Variants in CLDN17 observed in about 807,000 individuals in gnomAD.
CLDN17 encodes claudin 17.
A neutral mutation model predicts 0.1 loss-of-function variants in CLDN17; 1 was observed. The ratio of observed to expected loss-of-function variants is 8.90; its 90% CI spans 3.16 to 42.21. CLDN17 has a LOEUF of 42.21. Ranked by LOEUF, CLDN17 falls within the 30% of genes most tolerant of loss-of-function variation. CLDN17 has a pLI of 0.11. For synonymous variants in CLDN17, 134 were observed against 106.7 expected (o/e 1.26, Z -1.58); for missense variants, 294 against 274.9 (o/e 1.07, Z -0.49).
rs893816261 is a variant in CLDN17 at position 30,165,648 on chromosome 21, A to T, written c.*295T>A. ...ATCAGATAATACATGATGGTCAAAA[A>T]GTAATAAGTAGTCCATCATTGTACA... On this transcript the variant is annotated 3_prime_UTR_variant, in exon 1 of 1. Coordinates refer to ENST00000286808, the MANE Select transcript of CLDN17 (RefSeq NM_012131.3). 9.8e-6 allele frequency: 4 copies of T among 409,498 alleles called. No individual in the cohort carries two copies. The highest frequency in any genetic ancestry group is 6.1e-5 in the African/African-American group (3 of 49,184). The allele number at this position is 409,498 out of a possible 1,614,324, so 25.4% of individuals were successfully genotyped here. A position where few individuals can be genotyped will look rare whatever the true frequency, so the allele number is the denominator to read the frequency against.
Position 30,166,130 on chromosome 21 carries a change from G to T in CLDN17, c.488C>A (p.Ala163Glu), listed in dbSNP as rs2146492931. 6.2e-7 allele frequency: 1 copy of T among 1,614,164 alleles called. No homozygotes were observed. The highest frequency in any genetic ancestry group is 8.5e-7 in the Non-Finnish European group (1 of 1,180,034). ...GCTTGCCCAGCCAAGGAAAAGTGCT[G>T]CTCCCAGCTCTCGTTTCTGACCTAT... ...IHIGQKRELG[A>E]ALFLGWASAA... is the part of the protein sequence containing the mutation. Residue 163 changes from alanine to glutamate, a missense_variant, in exon 1 of 1, where the codon GCA becomes GAA. Coordinates refer to ENST00000286808, the MANE Select transcript of CLDN17 (RefSeq NM_012131.3).
chr21:30,165,856 G>A lies in CLDN17; in HGVS notation c.*87C>T, dbSNP rs1980832256. On this transcript the variant is annotated 3_prime_UTR_variant, in exon 1 of 1. Coordinates refer to ENST00000286808, the MANE Select transcript of CLDN17 (RefSeq NM_012131.3). ...CAATGTAAATCTAGACATAAAGCAA[G>A]TTCTCCTGCCTCACATACTTACAGT... The A allele has an allele frequency of 5.6e-6, 7 of 1,260,988 alleles. No individual in the cohort carries two copies. The highest frequency in any genetic ancestry group is 2.2e-6 in the Non-Finnish European group (2 of 900,804). The allele number at this position is 1,260,988 out of a possible 1,614,324, so 78.1% of individuals were successfully genotyped here.
rs146762160 is a variant in CLDN17, at chr21:30,165,637, G to A, written c.*306C>T. On this transcript the variant is annotated 3_prime_UTR_variant, in exon 1 of 1. Coordinates refer to ENST00000286808, the MANE Select transcript of CLDN17 (RefSeq NM_012131.3). Reference sequence around the variant, plus strand: ...TTTAGATTCTTATCAGATAATACATGATGGTCAAAAAGTAATAAGTAGTCC... The same window carrying A: ...TTTAGATTCTTATCAGATAATACATAATGGTCAAAAAGTAATAAGTAGTCC... 7.8e-6 allele frequency: 3 copies of A among 386,762 alleles called. No individual in the cohort carries two copies. The South Asian group carries it at 1.2e-4, about 15-fold the overall frequency. 24.0% of individuals were successfully genotyped at this position (386,762 alleles called of 1,614,324 possible).
In CLDN17 at chr21:30,165,964, C is replaced by T; in HGVS notation, c.654G>A (p.Lys218=). 6.2e-7 allele frequency: 1 copy of T among 1,613,978 alleles called. No individual in the cohort carries two copies. Among genetic ancestry groups the T allele is most frequent in the Non-Finnish European group, 8.5e-7 (1 of 1,179,890 alleles). Residue 218 remains lysine (K), a synonymous_variant, in exon 1 of 1, where the codon AAG becomes AAA. Coordinates refer to ENST00000286808, the MANE Select transcript of CLDN17 (RefSeq NM_012131.3). ...GGCATTAGACATAACTGGTGGAGGT[C>T]TTACTAAGCATTGTCGTATTTCTTC... ...DKRRNTTMLS[K]TSTSYV
Position 30,166,784 on chromosome 21 carries a change from G to T in CLDN17, c.-167C>A, listed in dbSNP as rs1318249727. 13 of 616,408 alleles carry T rather than the reference G, an allele frequency of 2.1e-5. No homozygotes were observed. Among genetic ancestry groups the T allele is most frequent in the Admixed American group, 6.3e-5 (2 of 31,560 alleles). The allele number at this position is 616,408 out of a possible 1,614,324, so 38.2% of individuals were successfully genotyped here. On this transcript the variant is annotated 5_prime_UTR_variant, in exon 1 of 1. Transcript: ENST00000286808. ...GCTGTGACTGAACTTGGCCTAACTA[G>T]AAGTACCTGTTGTAAATGCATGTTG...
rs746985238 is a variant in CLDN17, at chr21:30,166,085, C to G, written c.533G>C (p.Gly178Ala). 3 of 1,614,206 alleles carry G rather than the reference C, an allele frequency of 1.9e-6. No individual in the cohort carries two copies. The South Asian group carries it at 3.3e-5, about 18-fold the overall frequency. The change falls in exon 1 of 1, where the codon GGA becomes GCA. Residue 178 changes from glycine to alanine, a missense_variant. Transcript: ENST00000286808. ...GWASAAVLFI[G>A]GGLLCGFCCC... ...GCAAAATCCACAAAGCAGACCCCCT[C>G]CAATGAAGAGGACAGCAGCGCTTGC...
Position 30,166,694 on chromosome 21 carries a change from T to A in CLDN17, c.-77A>T. 1 of 1,296,110 alleles carries A rather than the reference T, an allele frequency of 7.7e-7. No homozygotes were observed. The highest frequency in any genetic ancestry group is 1.1e-6 in the Non-Finnish European group (1 of 938,328). 80.3% of individuals were successfully genotyped at this position (1,296,110 alleles called of 1,614,324 possible). ...ATGTAGAACGTGGAAGCCTTTTGAG[T>A]CTAGAGAAGTCTTTGATGATGTTCT... On this transcript the variant is annotated 5_prime_UTR_variant, in exon 1 of 1. Transcript: ENST00000286808.
chr21:30,166,483 C>T lies in CLDN17; in HGVS notation c.135G>A (p.Arg45=), dbSNP rs1980852948. The T allele has an allele frequency of 6.2e-7, 1 of 1,614,106 alleles. No individual in the cohort carries two copies. Among genetic ancestry groups the T allele is most frequent in the Non-Finnish European group, 8.5e-7 (1 of 1,180,008 alleles). The stretch of plus-strand genomic sequence containing the variant: ...AATTCATCCAGAGCCCTTCCCAGAG[C>T]CTCTCAAAGACAATAATGTTGCTGC... The part of the protein sequence containing the change: ...FVGSNIIVFE[R]LWEGLWMNCI... The change falls in exon 1 of 1, where the codon AGG becomes AGA. Residue 45 remains arginine, a synonymous_variant. Coordinates refer to ENST00000286808, the MANE Select transcript of CLDN17 (RefSeq NM_012131.3).
Position 30,165,870 on chromosome 21 carries a change from C to T in CLDN17, c.*73G>A. 1 of 1,391,148 alleles carries T rather than the reference C, an allele frequency of 7.2e-7. No individual in the cohort carries two copies. Among genetic ancestry groups the T allele is most frequent in the Non-Finnish European group, 9.9e-7 (1 of 1,010,414 alleles). The allele number at this position is 1,391,148 out of a possible 1,614,324, so 86.2% of individuals were successfully genotyped here. On this transcript the variant is annotated 3_prime_UTR_variant, in exon 1 of 1. Transcript: ENST00000286808. The stretch of plus-strand genomic sequence containing the variant: ...ACATAAAGCAAGTTCTCCTGCCTCA[C>T]ATACTTACAGTTTCTAGCAGGACTT...
Position 30,166,739 on chromosome 21 carries a change from C to A in CLDN17, c.-122G>T, listed in dbSNP as rs549464674. ...TGTTCTCCTTGGCTGCTGCCCATAA[C>A]GTTTTAGTCCAAATCAGTAGCTGTG... On this transcript the variant is annotated 5_prime_UTR_variant, in exon 1 of 1. Coordinates refer to ENST00000286808, the MANE Select transcript of CLDN17 (RefSeq NM_012131.3). 5 of 844,700 alleles carry A rather than the reference C, an allele frequency of 5.9e-6. No individual in the cohort carries two copies. The South Asian group carries it at 7.3e-5, about 12-fold the overall frequency. The allele number at this position is 844,700 out of a possible 1,614,324, so 52.3% of individuals were successfully genotyped here.
At position 30,165,750 on chromosome 21, in the gene CLDN17, G is replaced by A; in HGVS notation, c.*193C>T. 1 of 605,378 alleles carries A rather than the reference G, an allele frequency of 1.7e-6. No homozygotes were observed. The highest frequency in any genetic ancestry group is 2.9e-6 in the Non-Finnish European group (1 of 345,442). 37.5% of individuals were successfully genotyped at this position (605,378 alleles called of 1,614,324 possible). On this transcript the variant is annotated 3_prime_UTR_variant, in exon 1 of 1. Transcript: ENST00000286808. ...GCGATTGGGTCCAACAATAGTCAATGCATTTAATACACCTGAAGTCAGAAT... is the reference window on the plus strand; with the variant it reads ...GCGATTGGGTCCAACAATAGTCAATACATTTAATACACCTGAAGTCAGAAT...
chr21:30,166,534 A>G lies in CLDN17; in HGVS notation c.84T>C (p.Pro28=). The change falls in exon 1 of 1, where the codon CCT becomes CCC. Residue 28 remains proline, a synonymous_variant. Coordinates refer to ENST00000286808, the MANE Select transcript of CLDN17 (RefSeq NM_012131.3). ...MVGTLATTLL[P]QWRVSAFVGS... ...CAACAAAAGCTGATACTCTCCACTG[A>G]GGCAGAAGGGTTGTGGCAAGAGTCC... is the stretch of plus-strand genomic sequence containing the variant. 1.2e-6 allele frequency: 2 copies of G among 1,614,164 alleles called. No homozygotes were observed. The highest frequency in any genetic ancestry group is 1.7e-6 in the Non-Finnish European group (2 of 1,180,010).
chr21:30,165,914 T>C lies in CLDN17; in HGVS notation c.*29A>G. The C allele has an allele frequency of 6.3e-7, 1 of 1,592,368 alleles. No individual in the cohort carries two copies. Among genetic ancestry groups the C allele is most frequent in the East Asian group, 2.2e-5 (1 of 44,742 alleles). On this transcript the variant is annotated 3_prime_UTR_variant, in exon 1 of 1. Transcript: ENST00000286808. ...AGGACTTTATAAAAAACATTGACCATAGTCCATACTTGGAGCCAAAAGGAG... is the reference window on the plus strand; with the variant it reads ...AGGACTTTATAAAAAACATTGACCACAGTCCATACTTGGAGCCAAAAGGAG...
chr21:30,166,009 A>T lies in CLDN17; in HGVS notation c.609T>A (p.Arg203=). 4 of 1,614,232 alleles carry T rather than the reference A, an allele frequency of 2.5e-6. No individual in the cohort carries two copies. The South Asian group carries it at 3.3e-5, about 13-fold the overall frequency. The change falls in exon 1 of 1, where the codon CGT becomes CGA. Residue 203 remains arginine, a synonymous_variant. Transcript: ENST00000286808. ...QGYRYPVPGY[R]VPHTDKRRNT... ...TTCTTCGCTTATCTGTGTGTGGCAC[A>T]CGGTAGCCAGGCACTGGATATCTGT...
rs1980854212 is a variant in CLDN17 at position 30,166,508 on chromosome 21, C to G, written c.110G>C (p.Gly37Ala). Residue 37 changes from glycine to alanine, a missense_variant, in exon 1 of 1, where the codon GGC (glycine) becomes GCC (alanine). Gly to Ala is a moderately conservative substitution (Grantham distance 60, BLOSUM62 0). Coordinates refer to ENST00000286808, the MANE Select transcript of CLDN17 (RefSeq NM_012131.3). The stretch of plus-strand genomic sequence containing the variant: ...CCTCTCAAAGACAATAATGTTGCTG[C>G]CAACAAAAGCTGATACTCTCCACTG... ...LPQWRVSAFV[G>A]SNIIVFERLW... is the part of the protein sequence containing the mutation. 2 of 1,614,004 alleles carry G rather than the reference C, an allele frequency of 1.2e-6. No individual in the cohort carries two copies. The highest frequency in any genetic ancestry group is 1.7e-6 in the Non-Finnish European group (2 of 1,180,002).
Position 30,165,955 on chromosome 21 carries a change from G to A in CLDN17, c.663C>T (p.Thr221=). The part of the protein sequence containing the change: ...RNTTMLSKTS[T]SYV The stretch of plus-strand genomic sequence containing the variant: ...CCAAAAGGAGGCATTAGACATAACT[G>A]GTGGAGGTCTTACTAAGCATTGTCG... Residue 221 remains threonine (T), a synonymous_variant, in exon 1 of 1, where the codon ACC becomes ACT. Transcript: ENST00000286808. 6.2e-7 allele frequency: 1 copy of A among 1,613,794 alleles called. No homozygotes were observed. The highest frequency in any genetic ancestry group is 8.5e-7 in the Non-Finnish European group (1 of 1,179,780).
Position 30,166,097 on chromosome 21 carries a change from A to T in CLDN17, c.521T>A (p.Val174Asp), listed in dbSNP as rs1980839375. The T allele has an allele frequency of 6.2e-7, 1 of 1,614,160 alleles. No homozygotes were observed. The highest frequency in any genetic ancestry group is 1.7e-5 in the Admixed American group (1 of 60,028). The change falls in exon 1 of 1, where the codon GTC becomes GAC. Residue 174 changes from valine (V) to aspartate (D), a missense_variant. Transcript: ENST00000286808. Reference protein sequence around the residue: ...ALFLGWASAAVLFIGGGLLCG... With the variant: ...ALFLGWASAADLFIGGGLLCG... ...AAGCAGACCCCCTCCAATGAAGAGG[A>T]CAGCAGCGCTTGCCCAGCCAAGGAA...
chr21:30,166,499 A>G lies in CLDN17; in HGVS notation c.119T>C (p.Ile40Thr), dbSNP rs1569280063. 10 of 1,614,096 alleles carry G rather than the reference A, an allele frequency of 6.2e-6. No homozygotes were observed. The highest frequency in any genetic ancestry group is 8.5e-6 in the Non-Finnish European group (10 of 1,180,000). The change falls in exon 1 of 1, where the codon ATT becomes ACT. Residue 40 changes from isoleucine to threonine, a missense_variant. Physicochemically the swap from Ile to Thr is moderately conservative, Grantham distance 89 (BLOSUM62 -1). Transcript: ENST00000286808. Reference protein sequence around the residue: ...WRVSAFVGSNIIVFERLWEGL... With the variant: ...WRVSAFVGSNTIVFERLWEGL... The stretch of plus-strand genomic sequence containing the variant: ...TTCCCAGAGCCTCTCAAAGACAATA[A>G]TGTTGCTGCCAACAAAAGCTGATAC...
rs1484058399 is a variant in CLDN17 at position 30,166,801 on chromosome 21, T to C, written c.-184A>G. The C allele has an allele frequency of 5.1e-6, 3 of 591,350 alleles. No individual in the cohort carries two copies. Among genetic ancestry groups the C allele is most frequent in the East Asian group, 5.7e-5 (2 of 35,220 alleles). The allele number at this position is 591,350 out of a possible 1,614,324, so 36.6% of individuals were successfully genotyped here. A position where few individuals can be genotyped will look rare whatever the true frequency, so the allele number is the denominator to read the frequency against. The stretch of plus-strand genomic sequence containing the variant: ...CCTAACTAGAAGTACCTGTTGTAAA[T>C]GCATGTTGCCTTTTTTCATACACAT... On this transcript the variant is annotated 5_prime_UTR_variant, in exon 1 of 1. Coordinates refer to ENST00000286808, the MANE Select transcript of CLDN17 (RefSeq NM_012131.3).
Sources: gnomAD v4.1 joint callset for allele counts on GRCh38, gnomAD v4.1.1 for gene constraint, MANE v1.5 for transcripts, NCBI Gene and HGNC (gene_info 2026-07-23, HGNC 2026-07-21) for gene names.